PRKAR2A: variants seen among roughly 807,000 people sequenced by gnomAD.
PRKAR2A encodes cAMP-dependent protein kinase type II-alpha regulatory subunit.
PRKAR2A carries 29 observed loss-of-function variants against 51.9 expected under a neutral mutation model. The ratio of observed to expected loss-of-function variants is 0.56; its 90% CI spans 0.42 to 0.76. The LOEUF (loss-of-function observed/expected upper bound fraction) is 0.76. Ranked by LOEUF, PRKAR2A falls within the 30% of genes least tolerant of loss-of-function variation. PRKAR2A has a pLI of 0.00. For synonymous variants in PRKAR2A, 178 were observed against 186.2 expected (o/e 0.96, Z 0.36); for missense variants, 445 against 512.1 (o/e 0.87, Z 1.26).
downstream of PRKAR2A, among the ~76,000 whole-genome samples, chr3:48,745,018 G>T (rs1391705568): frequency 2.6e-5 from 4 of 151,830 alleles, no homozygotes; most frequent in African/African-American, 9.7e-5. Flanking sequence ...GGGATTACAG[G>T]CACCCGCCAC....
intron 8 of PRKAR2A, among the ~76,000 whole-genome samples, chr3:48,759,469 T>A (rs566322862): frequency 6.7e-6 from 1 of 149,986 alleles, no homozygotes; most frequent in African/African-American, 2.4e-5. Flanking sequence ...TCACCACAAC[T>A]TCTACCTCCT....
At chr3:48,745,530 T>G (rs796266392), downstream of PRKAR2A, among the ~76,000 whole-genome samples, 2 of 136,416 alleles carry the variant, frequency 1.5e-5, no homozygotes, top group South Asian at 2.8e-4. Flanking sequence ...GGATAAGGTT[T>G]TTTTTTTTTT....
rs1295155624 is a variant in PRKAR2A at position 48,847,282 on chromosome 3, T to C, written c.262+53A>G. The C allele has an allele frequency of 2.1e-5, 34 of 1,593,126 alleles. 1 individual carries two copies. Among genetic ancestry groups the C allele is most frequent in the Non-Finnish European group, 2.7e-5 (32 of 1,168,660 alleles). The stretch of plus-strand genomic sequence containing the variant: ...GACACCTGGCTCCCTGCCACCCCTC[T>C]AGACCTCTGGAGACCTCCTGCACCA... On this transcript the variant is annotated intron_variant, in intron 1 of 10. Transcript: ENST00000265563. The surrounding 1 kb of genome is among the most constrained non-coding windows in gnomAD (Gnocchi z 4.4).
chr3:48,753,497 C>G (rs972405880), intron 9 of PRKAR2A, among the ~76,000 whole-genome samples: 1 of 152,176 alleles, frequency 6.6e-6, no homozygotes, highest in Non-Finnish European at 1.5e-5. Context: ...TCCTTCTACA[C>G]TTCTGCCCTG....
rs183131196 is a variant in PRKAR2A, at chr3:48,762,739, C to T, written c.873+2265G>A. Among the ~76,000 whole-genome samples the T allele has an allele frequency of 1.5e-3, 231 of 151,658 alleles. 2 individuals carry two copies. The highest frequency in any genetic ancestry group is 5.3e-3 in the African/African-American group (221 of 41,334). The stretch of plus-strand genomic sequence containing the variant: ...TTGCGCCATTGCACTCCAGCCTGGG[C>T]AACAAGAGGAAAACTCCGTCTCAAA... On this transcript the variant is annotated intron_variant, in intron 8 of 10. Coordinates refer to ENST00000265563, the MANE Select transcript of PRKAR2A (RefSeq NM_004157.4).
At chr3:48,762,757 G>A (rs748743242) in intron 8 of PRKAR2A, among the ~76,000 whole-genome samples, 24 of 151,892 alleles carry the variant, frequency 1.6e-4, no homozygotes, top group Non-Finnish European at 2.6e-4. Context: ...GGAAAACTCC[G>A]TCTCAAAAAG....
chr3:48,808,564 A>G (rs2082718098), intron 1 of PRKAR2A, among the ~76,000 whole-genome samples: 1 of 127,498 alleles, frequency 7.8e-6, no homozygotes, highest in Admixed American at 7.7e-5. Flanking sequence ...GTATTTTTTT[A>G]GAGATGGAGT....
chr3:48,799,584 G>A (rs1423324309), intron 2 of PRKAR2A, among the ~76,000 whole-genome samples: 1 of 152,092 alleles, frequency 6.6e-6, no homozygotes, highest in Non-Finnish European at 1.5e-5. Flanking sequence ...AAGAATATAA[G>A]GACAAAAATC....
intron 1 of PRKAR2A, among the ~76,000 whole-genome samples, chr3:48,811,568 T>G (rs1314666453): frequency 6.6e-6 from 1 of 152,084 alleles, no homozygotes; most frequent in Admixed American, 6.6e-5. Context: ...AAAAATCACA[T>G]ATTGTATGAT....
chr3:48,791,070 C>T (rs1465629511), intron 3 of PRKAR2A, among the ~76,000 whole-genome samples: 3 of 152,126 alleles, frequency 2.0e-5, no homozygotes, highest in Non-Finnish European at 2.9e-5. Flanking sequence ...AGGCAGATCA[C>T]GATGTCAGGA....
chr3:48,759,782 G>A (rs2081836316), intron 8 of PRKAR2A, among the ~76,000 whole-genome samples: 1 of 152,144 alleles, frequency 6.6e-6, no homozygotes, highest in African/African-American at 2.4e-5. Flanking sequence ...AAGCCAGACT[G>A]TACTGCATTT....
chr3:48,807,698 A>C lies in PRKAR2A; in HGVS notation c.263-14T>G, dbSNP rs779704104. ...TAGGAACTGGAACTGCAAAATAAAG[A>C]AGCAACATTTAGTCATTATTATGTC... On this transcript the variant is annotated splice_polypyrimidine_tract_variant and intron_variant, in intron 1 of 10. Transcript: ENST00000265563. 6 of 1,603,360 alleles carry C rather than the reference A, an allele frequency of 3.7e-6. No homozygotes were observed. The highest frequency in any genetic ancestry group is 5.1e-6 in the Non-Finnish European group (6 of 1,171,038).
At chr3:48,757,693 G>T (rs1222607754) in intron 8 of PRKAR2A, among the ~76,000 whole-genome samples, 1 of 151,626 alleles carries the variant, frequency 6.6e-6, no homozygotes, top group Admixed American at 6.6e-5. Context: ...GAGGCTGAGG[G>T]GGGTGGATTG....
chr3:48,800,111 G>C (rs891062080), intron 2 of PRKAR2A, among the ~76,000 whole-genome samples: 2 of 151,510 alleles, frequency 1.3e-5, no homozygotes, highest in African/African-American at 4.8e-5. Flanking sequence ...ACCCGCCTTG[G>C]CCTCCCAAAG....
chr3:48,775,056 C>G (rs1176153215), intron 5 of PRKAR2A, among the ~76,000 whole-genome samples: 1 of 152,124 alleles, frequency 6.6e-6, no homozygotes, highest in African/African-American at 2.4e-5. Context: ...ATTTTCATCA[C>G]AAAAAGATGT....
intron 4 of PRKAR2A, among the ~76,000 whole-genome samples, chr3:48,785,504 C>T (rs1220690897): frequency 6.6e-6 from 1 of 152,100 alleles, no homozygotes; most frequent in African/African-American, 2.4e-5. Context: ...AGGTAATCCG[C>T]CCGCCTTGGC....
At chr3:48,769,863 G>A (rs1440672910) in intron 6 of PRKAR2A, among the ~76,000 whole-genome samples, 2 of 151,908 alleles carry the variant, frequency 1.3e-5, no homozygotes, top group Non-Finnish European at 2.9e-5. Flanking sequence ...CTGCAGCCTT[G>A]ACCTCTTAGG....
intron 5 of PRKAR2A, among the ~76,000 whole-genome samples, chr3:48,779,568 G>C (rs980778957): frequency 6.6e-6 from 1 of 151,114 alleles, no homozygotes; most frequent in Admixed American, 6.6e-5. Flanking sequence ...ATTGCTTGAG[G>C]TCAGGAGTTC....
At chr3:48,751,837 T>G in intron 10 of PRKAR2A, 119 bp from the exon 11 acceptor site, 2 of 1,185,612 alleles carry the variant, frequency 1.7e-6, no homozygotes, top group Admixed American at 5.4e-5. Context: ...CACCAGCCAC[T>G]TGCAAAAAGG....
Sources: gnomAD v4.1 joint callset for allele counts (sites outside exome capture counted in the v4.1 genomes callset) on GRCh38, gnomAD v4.1.1 for gene constraint, Gnocchi (gnomAD v3.1) non-coding constraint, MANE v1.5 for transcripts, NCBI Gene and HGNC (gene_info 2026-07-23, HGNC 2026-07-21) for gene names.